TP73: variants seen among roughly 807,000 people sequenced by gnomAD.
TP73 encodes the protein p53-like transcription factor.
TP73 carries 25 observed loss-of-function variants against 62.5 expected under a neutral mutation model. The observed-to-expected ratio is 0.40, with a 90% CI of 0.29 to 0.56. The LOEUF is 0.56. Ranked by LOEUF, TP73 falls within the 20% of genes least tolerant of loss-of-function variation. The probability of loss-of-function intolerance (pLI) is 0.46; values close to 1 mark genes in which losing one functional copy is unlikely to be tolerated. For missense variants in TP73, 754 were observed against 913.3 expected (o/e 0.83, Z 2.25); for synonymous variants, 423 against 377.5 (o/e 1.12, Z -1.40).
At chr1:3,726,253 A>ATGG (rs1641573036) in intron 6 of TP73, among the ~76,000 whole-genome samples, 1 of 39,506 alleles carries the variant, frequency 2.5e-5, no homozygotes, top group African/African-American at 1.6e-4. Context: ...TGGATGGATG[A>ATGG]GGTGGGTGTG....
rs1024124436 is a variant in TP73 at position 3,736,180 on chromosome 1, A to C, written c.*3101A>C. The C allele has an allele frequency of 6.6e-6, 1 of 152,226 alleles. No individual in the cohort carries two copies. The highest frequency in any genetic ancestry group is 6.5e-5 in the Admixed American group (1 of 15,280). 9.4% of individuals were successfully genotyped at this position (152,226 alleles called of 1,614,324 possible). A position where few individuals can be genotyped will look rare whatever the true frequency, so the allele number is the denominator to read the frequency against. ...GTGGGGATTTTTGTTTTTGTAACAT[A>C]ATAAAGTGTATGTTCCAATGACCGG... On this transcript the variant is annotated 3_prime_UTR_variant, in exon 14 of 14. Transcript: ENST00000378295.
chr1:3,676,891 C>T (rs754885064), intron 1 of TP73, among the ~76,000 whole-genome samples: 8 of 151,532 alleles, frequency 5.3e-5, no homozygotes, highest in South Asian at 2.1e-4. Context: ...CCCTGAGCAA[C>T]GTAGGGTGCT....
intron 1 of TP73, among the ~76,000 whole-genome samples, chr1:3,671,729 A>G (rs1645245041): frequency 6.6e-6 from 1 of 152,186 alleles, no homozygotes; most frequent in Non-Finnish European, 1.5e-5. Flanking sequence ...GAGCTTGAAA[A>G]TATGGAGGAT....
At position 3,727,798 on chromosome 1, in the gene TP73, G is replaced by A. The variant is rs557762472; in HGVS notation, c.985+28G>A. 258 of 1,506,258 alleles carry A rather than the reference G, an allele frequency of 1.7e-4. 3 individuals are homozygous for A. In the South Asian group the frequency reaches 1.8e-3, roughly 11 times the overall value. The allele number at this position is 1,506,258 out of a possible 1,614,324, so 93.3% of individuals were successfully genotyped here. On this transcript the variant is annotated intron_variant, in intron 8 of 13. Coordinates refer to ENST00000378295, the MANE Select transcript of TP73 (RefSeq NM_005427.4). Reference sequence around the variant, plus strand: ...GAGCGGCCGGCCAGGGGAACTGGACGCGTGTGGGAGGAGAAGGGGACACAT... The same window carrying A: ...GAGCGGCCGGCCAGGGGAACTGGACACGTGTGGGAGGAGAAGGGGACACAT...
At chr1:3,711,034 TGA>T (rs1173012519) in intron 4 of TP73, among the ~76,000 whole-genome samples, 3 of 152,092 alleles carry the variant, frequency 2.0e-5, no homozygotes, top group Non-Finnish European at 4.4e-5. Flanking sequence ...CCCTGCATGG[TGA>T]GAGGGGTGGA....
At chr1:3,726,535 A>AATGGATGGGTAGGTGG (rs1641630731) in intron 6 of TP73, among the ~76,000 whole-genome samples, 3 of 133,846 alleles carry the variant, frequency 2.2e-5, no homozygotes, top group Non-Finnish European at 3.1e-5. Context: ...ATGGATATTG[A>AATGGATGGGTAGGTGG]ATGGATGGGT....
At chr1:3,667,657 T>G (rs1226705359) in intron 1 of TP73, among the ~76,000 whole-genome samples, 1 of 147,792 alleles carries the variant, frequency 6.8e-6, no homozygotes, top group Non-Finnish European at 1.5e-5. Context: ...GGCTGAGGCA[T>G]GAGAATCGCT....
rs1219050485 is a variant in TP73, at chr1:3,727,128, TCA to T, written c.748_749del (p.Thr250HisfsTer9). ...CCCCATGTGCAGGTGGGGACGGAAT[TCA>T]CCACCATCCTGTACAACTTCATGTG... On this transcript the variant is annotated frameshift_variant, in exon 7 of 14. Transcript: ENST00000378295. LOFTEE classifies it high-confidence loss of function. 2.5e-6 allele frequency: 4 copies of T among 1,611,758 alleles called. No individual in the cohort carries two copies.
chr1:3,691,079 G>A (rs1333770958), intron 3 of TP73: 4 of 1,340,310 alleles, frequency 3.0e-6, no homozygotes, highest in South Asian at 1.3e-5. Flanking sequence ...GTGAGCAGAG[G>A]TAGGAAGGGA....
intron 1 of TP73, among the ~76,000 whole-genome samples, chr1:3,656,632 A>T (rs1023855858): frequency 1.3e-5 from 2 of 151,772 alleles, no homozygotes; most frequent in Non-Finnish European, 2.9e-5. Context: ...GGGAGTGGGG[A>T]CTCCAGCTAT....
At chr1:3,700,875 A>C (rs944846108) in intron 3 of TP73, among the ~76,000 whole-genome samples, 4 of 152,208 alleles carry the variant, frequency 2.6e-5, no homozygotes, top group Non-Finnish European at 5.9e-5. Flanking sequence ...ATCCAACTTA[A>C]TCTGAAATAG....
intron 3 of TP73, among the ~76,000 whole-genome samples, chr1:3,695,696 A>T (rs539346688): frequency 6.6e-6 from 1 of 152,376 alleles, no homozygotes; most frequent in East Asian, 1.9e-4. Context: ...AGCAAGCTGC[A>T]GTTACTAGGC....
At chr1:3,682,951 GTA>G in intron 2 of TP73, 107 bp from the exon 3 acceptor site, 1 of 1,431,476 alleles carries the variant, frequency 7.0e-7, no homozygotes, top group Non-Finnish European at 9.5e-7. Flanking sequence ...GGCAGGAGAC[GTA>G]GGCCTCACCA....
chr1:3,691,017 G>C (rs1645808689), intron 3 of TP73: 1 of 1,544,838 alleles, frequency 6.5e-7, no homozygotes, highest in Admixed American at 2.0e-5. Context: ...GTAGGGTTCA[G>C]AGGGGCATCC....
intron 4 of TP73, among the ~76,000 whole-genome samples, chr1:3,718,048 C>T (rs1049479418): frequency 3.9e-5 from 6 of 152,320 alleles, no homozygotes; most frequent in African/African-American, 1.4e-4. Context: ...TTGCTCTCCA[C>T]CCTGAGGCCT....
At chr1:3,660,703 C>T (rs1280214456) in intron 1 of TP73, among the ~76,000 whole-genome samples, 1 of 152,218 alleles carries the variant, frequency 6.6e-6, no homozygotes, top group African/African-American at 2.4e-5. Flanking sequence ...TATCAGAAAC[C>T]TGTACTGGTC....
chr1:3,727,992 C>T (rs1266578229), intron 8 of TP73, 137 bp from the exon 9 acceptor site: 12 of 1,176,622 alleles, frequency 1.0e-5, no homozygotes, highest in Non-Finnish European at 1.3e-5. Context: ...TTTGCCCGTC[C>T]CTGTGGGTTG....
At chr1:3,693,230 C>A (rs572489503) in intron 3 of TP73, among the ~76,000 whole-genome samples, 6 of 152,326 alleles carry the variant, frequency 3.9e-5, no homozygotes, top group Non-Finnish European at 8.8e-5. Flanking sequence ...CCTCATCTTA[C>A]TGCAGGAACG....
intron 3 of TP73, among the ~76,000 whole-genome samples, chr1:3,695,463 C>T (rs1305251465): frequency 6.6e-6 from 1 of 152,178 alleles, no homozygotes; most frequent in Non-Finnish European, 1.5e-5. Flanking sequence ...TTGGGCCTGG[C>T]CTGTTCCCAC....
Sources: allele counts gnomAD v4.1 joint callset (sites outside exome capture counted in the v4.1 genomes callset), GRCh38; gene constraint gnomAD v4.1.1; transcripts MANE v1.5; gene names NCBI Gene and HGNC (gene_info 2026-07-23, HGNC 2026-07-21).